The following CDH5 variants were observed in gnomAD, a reference collection of about 807,000 sequenced individuals.
The protein encoded by CDH5 is cadherin-5.
CDH5 carries 28 observed loss-of-function variants against 62.0 expected under a neutral mutation model. The observed-to-expected ratio is 0.45, with a 90% CI of 0.33 to 0.62. The LOEUF (loss-of-function observed/expected upper bound fraction) is 0.62, where lower values mean the gene tolerates loss of function less well. Ranked by LOEUF, CDH5 falls within the 20% of genes least tolerant of loss-of-function variation. CDH5 has a pLI of 0.02. For synonymous variants in CDH5, 464 were observed against 445.8 expected (o/e 1.04, Z -0.52); for missense variants, 940 against 1,065.1 (o/e 0.88, Z 1.63).
chr16:66,393,048 T>A (rs929288734), intron 7 of CDH5: 16 of 152,266 alleles, frequency 1.1e-4, no homozygotes, highest in Non-Finnish European at 1.8e-4. Flanking sequence ...TTTACAATCT[T>A]TAGAAAAAAA....
At chr16:66,384,681 A>AAAAT (rs1440652062) in intron 2 of CDH5, among the ~76,000 whole-genome samples, 3 of 149,498 alleles carry the variant, frequency 2.0e-5, no homozygotes, top group Non-Finnish European at 4.5e-5. Flanking sequence ...AAAAAAAAAA[A>AAAAT]GAGGCTGGGC....
At position 66,379,708 on chromosome 16, in the gene CDH5, C is replaced by A. The variant is rs1036883137; in HGVS notation, c.210+161C>A. On this transcript the variant is annotated intron_variant, in intron 2 of 11. Coordinates refer to ENST00000341529, the MANE Select transcript of CDH5 (RefSeq NM_001795.5). ...AGGTGGTAGCAATAGTGGTAGAGGTCGTGGTGGTAGAAGTAGTGGTGGTAA... is the reference window on the plus strand; with the variant it reads ...AGGTGGTAGCAATAGTGGTAGAGGTAGTGGTGGTAGAAGTAGTGGTGGTAA... 1.2e-5 allele frequency: 8 copies of A among 651,570 alleles called. No homozygotes were observed. The African/African-American group carries it at 1.3e-4, about 10-fold the overall frequency. The allele number at this position is 651,570 out of a possible 1,614,324, so 40.4% of individuals were successfully genotyped here. A position where few individuals can be genotyped will look rare whatever the true frequency, so the allele number is the denominator to read the frequency against.
intron 1 of CDH5, among the ~76,000 whole-genome samples, chr16:66,374,128 G>A (rs1076019): frequency 0.15 from 22,378 of 152,222 alleles, 1,979 homozygotes; most frequent in East Asian, 0.26. Flanking sequence ...TGCAAAATGG[G>A]AACGCAGACA....
rs1596937199 is a variant in CDH5, at chr16:66,386,863, G to A, written c.265G>A (p.Val89Met). The change falls in exon 3 of 12, where the codon GTG becomes ATG. Residue 89 changes from valine to methionine, a missense_variant. Val to Met is a conservative substitution (Grantham distance 21). Transcript: ENST00000341529. ...CAAGTACCTGCTCAAAGGAGAATAT[G>A]TGGGCAAGGTCTTCCGGGTCGATGC... ...NAKYLLKGEYVGKVFRVDAET... is the reference protein window; with the variant it reads ...NAKYLLKGEYMGKVFRVDAET... 1 of 1,614,146 alleles carries A rather than the reference G, an allele frequency of 6.2e-7. No homozygotes were observed. The highest frequency in any genetic ancestry group is 8.5e-7 in the Non-Finnish European group (1 of 1,180,012).
intron 8 of CDH5, 61 bp downstream of exon 8, chr16:66,396,262 A>C: frequency 6.2e-7 from 1 of 1,601,270 alleles, no homozygotes; most frequent in African/African-American, 1.3e-5. Flanking sequence ...TTCTTCCAAA[A>C]CTGGCATAAT....
At chr16:66,368,660 T>C (rs997625852) in intron 1 of CDH5, among the ~76,000 whole-genome samples, 13 of 152,160 alleles carry the variant, frequency 8.5e-5, no homozygotes, top group Admixed American at 2.6e-4. Context: ...GAAGCAACTA[T>C]GAGAATTCCC....
rs935837278 is a variant in CDH5, at chr16:66,397,890, C to T, written c.1361-92C>T. ...CACAGCCTCCTCCTGCAAAAAGTGG[C>T]CTCCATAGGGCAGCCCTCCTTCCAC... On this transcript the variant is annotated intron_variant, in intron 8 of 11. Transcript: ENST00000341529. 72 of 1,493,970 alleles carry T rather than the reference C, an allele frequency of 4.8e-5. 2 individuals are homozygous for T. The African/African-American group carries it at 6.9e-4, about 14-fold the overall frequency. The allele number at this position is 1,493,970 out of a possible 1,614,324, so 92.5% of individuals were successfully genotyped here. A position where few individuals can be genotyped will look rare whatever the true frequency, so the allele number is the denominator to read the frequency against.
At chr16:66,394,597 G>A (rs1487825265) in intron 7 of CDH5, among the ~76,000 whole-genome samples, 4 of 150,236 alleles carry the variant, frequency 2.7e-5, no homozygotes, top group Non-Finnish European at 5.9e-5. Context: ...TGGATGAGGT[G>A]CATCCATTTT....
intron 11 of CDH5, among the ~76,000 whole-genome samples, chr16:66,402,404 G>C (rs961578916): frequency 2.5e-5 from 3 of 117,832 alleles, no homozygotes. Flanking sequence ...GTATGCGGGG[G>C]AGCGGCAGGG....
chr16:66,369,429 T>G (rs1215666180), intron 1 of CDH5, among the ~76,000 whole-genome samples: 1 of 152,152 alleles, frequency 6.6e-6, no homozygotes, highest in Non-Finnish European at 1.5e-5. Context: ...CATTTAATCC[T>G]CCTGCCCAGG....
intron 10 of CDH5, 111 bp from the exon 11 acceptor site, chr16:66,400,660 C>G: frequency 7.7e-7 from 1 of 1,298,074 alleles, no homozygotes; most frequent in Non-Finnish European, 1.1e-6. Flanking sequence ...GGCAGAAAAG[C>G]AGCCCAGGGA....
chr16:66,402,796 C>G lies in CDH5; in HGVS notation c.1982C>G (p.Ser661Trp). 6.2e-7 allele frequency: 1 copy of G among 1,604,322 alleles called. No homozygotes were observed. The highest frequency in any genetic ancestry group is 1.1e-5 in the South Asian group (1 of 89,616). ...ATGGACACCACCAGCTACGATGTGT[C>G]GGTGCTCAACTCGGTGCGCCGCGGC... ...GEMDTTSYDV[S>W]VLNSVRRGGA... The change falls in exon 12 of 12, where the codon TCG becomes TGG. Residue 661 changes from serine to tryptophan, a missense_variant. Physicochemically the swap from Ser to Trp is radical, Grantham distance 177. Coordinates refer to ENST00000341529, the MANE Select transcript of CDH5 (RefSeq NM_001795.5).
At chr16:66,377,002 G>C (rs1960798883) in intron 1 of CDH5, among the ~76,000 whole-genome samples, 1 of 152,098 alleles carries the variant, frequency 6.6e-6, no homozygotes, top group Non-Finnish European at 1.5e-5. Flanking sequence ...CCCTCTCCCT[G>C]TTTCTCGTTT....
Position 66,379,330 on chromosome 16 carries a change from C to T in CDH5, c.-8C>T, listed in dbSNP as rs1227080383. 1.2e-6 allele frequency: 2 copies of T among 1,603,590 alleles called. No individual in the cohort carries two copies. The highest frequency in any genetic ancestry group is 1.7e-5 in the Admixed American group (1 of 59,644). On this transcript the variant is annotated 5_prime_UTR_variant, in exon 2 of 12. Transcript: ENST00000341529. ...TCCTCTTTCCCCAGATCTGTTCCTC[C>T]TGGGAAGATGCAGAGGCTCATGATG... is the stretch of plus-strand genomic sequence containing the variant.
At position 66,397,779 on chromosome 16, in the gene CDH5, A is replaced by G. The variant is rs576892535; in HGVS notation, c.1361-203A>G. Among the ~76,000 whole-genome samples the G allele has an allele frequency of 1.1e-4, 17 of 152,244 alleles. No individual in the cohort carries two copies. The South Asian group carries it at 3.1e-3, about 28-fold the overall frequency. ...CTTTTTGATTCTCATAATCAAAGTA[A>G]TACCTCAGTAAACCTTATGGATGAG... On this transcript the variant is annotated intron_variant, in intron 8 of 11. Coordinates refer to ENST00000341529, the MANE Select transcript of CDH5 (RefSeq NM_001795.5).
intron 1 of CDH5, among the ~76,000 whole-genome samples, chr16:66,376,802 C>G (rs183642861): frequency 1.3e-5 from 2 of 152,312 alleles, no homozygotes; most frequent in South Asian, 4.1e-4. Context: ...CCAGCTGATA[C>G]GTTTCCTCAT....
intron 6 of CDH5, among the ~76,000 whole-genome samples, chr16:66,391,800 A>T (rs890771676): frequency 2.0e-5 from 3 of 152,224 alleles, no homozygotes; most frequent in African/African-American, 4.8e-5. Context: ...CCTGTCCTTA[A>T]GGACCTGTGG....
chr16:66,384,207 C>T (rs1247573521), intron 2 of CDH5, among the ~76,000 whole-genome samples: 1 of 150,722 alleles, frequency 6.6e-6, no homozygotes, highest in African/African-American at 2.4e-5. Context: ...CCCTCAGCCT[C>T]CCAAGTAGCT....
chr16:66,369,450 T>C (rs1960645487), intron 1 of CDH5, among the ~76,000 whole-genome samples: 2 of 152,120 alleles, frequency 1.3e-5, no homozygotes, highest in African/African-American at 4.8e-5. Flanking sequence ...GAGGCAGCTA[T>C]TGTTGCCTCC....
Sources: allele counts gnomAD v4.1 joint callset (sites outside exome capture counted in the v4.1 genomes callset), GRCh38; gene constraint gnomAD v4.1.1; transcripts MANE v1.5; gene names NCBI Gene and HGNC (gene_info 2026-07-23, HGNC 2026-07-21).